Variants in INHBC observed in about 807,000 individuals in gnomAD.
The protein encoded by INHBC is inhibin subunit beta C.
INHBC carries 10 observed loss-of-function variants against 12.4 expected under a neutral mutation model. The ratio of observed to expected loss-of-function variants is 0.81; its 90% CI spans 0.50 to 1.37. The LOEUF is 1.37. INHBC is among the 40% of genes most tolerant of loss of function. INHBC has a pLI of 0.00. For synonymous variants in INHBC, 147 were observed against 171.6 expected (o/e 0.86, Z 1.12); for missense variants, 382 against 439.4 (o/e 0.87, Z 1.17).
chr12:57,435,924 G>C (rs2139829070), intron 1 of INHBC, among the ~76,000 whole-genome samples: 1 of 150,960 alleles, frequency 6.6e-6, no homozygotes, highest in South Asian at 2.1e-4. Context: ...TCGGCTCACT[G>C]CAACCTCCAC....
At chr12:57,444,017 G>T (rs1164064386) in intron 1 of INHBC, among the ~76,000 whole-genome samples, 1 of 151,916 alleles carries the variant, frequency 6.6e-6, no homozygotes, top group African/African-American at 2.4e-5. Flanking sequence ...TCGAATTCAT[G>T]ACCTCATGAC....
chr12:57,447,922 T>TATATATATATATGTAA (rs1324931217), intron 1 of INHBC, among the ~76,000 whole-genome samples: 2 of 75,648 alleles, frequency 2.6e-5, no homozygotes, highest in African/African-American at 1.1e-4. Flanking sequence ...TATATATATA[T>TATATATATATATGTAA]AAAATATATG....
rs760546716 is a variant in INHBC, at chr12:57,449,438, A to G, written c.475A>G (p.Asn159Asp). The G allele has an allele frequency of 1.4e-5, 22 of 1,613,978 alleles. No homozygotes were observed. Among genetic ancestry groups the G allele is most frequent in the Non-Finnish European group, 1.8e-5 (21 of 1,180,028 alleles). Reference sequence around the variant, plus strand: ...GAGAGTCCTTGTGCTGGGTCCACATAATACCAACCTCACCTTGGCTACTCA... The same window carrying G: ...GAGAGTCCTTGTGCTGGGTCCACATGATACCAACCTCACCTTGGCTACTCA... Reference protein sequence around the residue: ...KVRVLVLGPHNTNLTLATQYL... With the variant: ...KVRVLVLGPHDTNLTLATQYL... The change falls in exon 2 of 2, where the codon AAT (asparagine) becomes GAT (aspartate). Residue 159 changes from asparagine to aspartate, a missense_variant. Coordinates refer to ENST00000309668, the MANE Select transcript of INHBC (RefSeq NM_005538.4).
chr12:57,448,158 A>C (rs1473473688), intron 1 of INHBC, among the ~76,000 whole-genome samples: 2 of 151,760 alleles, frequency 1.3e-5, no homozygotes, highest in Non-Finnish European at 2.9e-5. Context: ...TCATGTGACA[A>C]AAGTAAGTAG....
In INHBC at chr12:57,451,292, G is replaced by C. The variant is rs1870707274; in HGVS notation, c.*1270G>C. Among the ~76,000 whole-genome samples the C allele has an allele frequency of 6.6e-6, 1 of 152,204 alleles. No homozygotes were observed. Among genetic ancestry groups the C allele is most frequent in the Non-Finnish European group, 1.5e-5 (1 of 68,038 alleles). On this transcript the variant is annotated 3_prime_UTR_variant, in exon 2 of 2. Transcript: ENST00000309668. ...ACTGACCAGCTGTGGGCACGCAAGT[G>C]TGGGAGGCAGAGGCATGCTCAGAGC...
At chr12:57,443,363 C>T (rs1486036380) in intron 1 of INHBC, among the ~76,000 whole-genome samples, 1 of 151,992 alleles carries the variant, frequency 6.6e-6, no homozygotes, top group Non-Finnish European at 1.5e-5. Context: ...CAGCTCACCG[C>T]AACCTCCGAC....
chr12:57,450,266 C>CTAGCCCATCCT lies in INHBC; in HGVS notation c.*244_*245insTAGCCCATCCT. 5.3e-6 allele frequency: 2 copies of CTAGCCCATCCT among 377,614 alleles called. No homozygotes were observed. Among genetic ancestry groups the CTAGCCCATCCT allele is most frequent in the Admixed American group, 8.7e-5 (2 of 22,876 alleles). 23.4% of individuals were successfully genotyped at this position (377,614 alleles called of 1,614,324 possible). ...CATAGTCCATCCCGCTAGTCCATCC[C>CTAGCCCATCCT]GCTAGCCCCACTCCAGGGACTCAGA... is the stretch of plus-strand genomic sequence containing the variant. On this transcript the variant is annotated 3_prime_UTR_variant, in exon 2 of 2. Transcript: ENST00000309668.
rs1471509513 is a variant in INHBC, at chr12:57,451,747, A to G, written c.*1725A>G. On this transcript the variant is annotated 3_prime_UTR_variant, in exon 2 of 2. Transcript: ENST00000309668. The stretch of plus-strand genomic sequence containing the variant: ...AGCTTGAGGGCTTCCTGAGCAACCC[A>G]TGGAAGTTATCCCACCTTTGACTTG... 2.3e-6 allele frequency: 1 copy of G among 429,352 alleles called. No homozygotes were observed. The highest frequency in any genetic ancestry group is 4.7e-6 in the Non-Finnish European group (1 of 213,960). 26.6% of individuals were successfully genotyped at this position (429,352 alleles called of 1,614,324 possible). A position where few individuals can be genotyped will look rare whatever the true frequency, so the allele number is the denominator to read the frequency against.
chr12:57,451,717 A>G lies in INHBC; in HGVS notation c.*1695A>G. 2.6e-6 allele frequency: 1 copy of G among 384,946 alleles called. No individual in the cohort carries two copies. Among genetic ancestry groups the G allele is most frequent in the Admixed American group, 3.2e-5 (1 of 30,822 alleles). 23.8% of individuals were successfully genotyped at this position (384,946 alleles called of 1,614,324 possible). On this transcript the variant is annotated 3_prime_UTR_variant, in exon 2 of 2. Transcript: ENST00000309668. Reference sequence around the variant, plus strand: ...AAAAGGACTGCCTGGGGGACTGTAAATCTGAGCTTGAGGGCTTCCTGAGCA... The same window carrying G: ...AAAAGGACTGCCTGGGGGACTGTAAGTCTGAGCTTGAGGGCTTCCTGAGCA...
At chr12:57,437,569 G>C (rs1321589960) in intron 1 of INHBC, among the ~76,000 whole-genome samples, 2 of 151,000 alleles carry the variant, frequency 1.3e-5, no homozygotes, top group East Asian at 4.0e-4. Flanking sequence ...TACTCTGGAG[G>C]CTGAGGCAGG....
At position 57,450,235 on chromosome 12, in the gene INHBC, C is replaced by T. The variant is rs1463229393; in HGVS notation, c.*213C>T. ...ATCTTCCTGACCACTACCCTCTTTC[C>T]TAGGGCATAGTCCATCCCGCTAGTC... On this transcript the variant is annotated 3_prime_UTR_variant, in exon 2 of 2. Transcript: ENST00000309668. 1 of 472,812 alleles carries T rather than the reference C, an allele frequency of 2.1e-6. No homozygotes were observed. Among genetic ancestry groups the T allele is most frequent in the African/African-American group, 2.0e-5 (1 of 50,554 alleles). The allele number at this position is 472,812 out of a possible 1,614,324, so 29.3% of individuals were successfully genotyped here.
At chr12:57,439,565 T>A (rs1870414158) in intron 1 of INHBC, among the ~76,000 whole-genome samples, 1 of 152,242 alleles carries the variant, frequency 6.6e-6, no homozygotes, top group Non-Finnish European at 1.5e-5. Flanking sequence ...TTTTGAATTG[T>A]CCCTTTTAGT....
chr12:57,451,190 T>C lies in INHBC; in HGVS notation c.*1168T>C, dbSNP rs1870705213. Reference sequence around the variant, plus strand: ...ACCATCTTTGAGGTCTCATGGCTAATAAAAACCTAGGCTTTACCTGTTCCC... The same window carrying C: ...ACCATCTTTGAGGTCTCATGGCTAACAAAAACCTAGGCTTTACCTGTTCCC... On this transcript the variant is annotated 3_prime_UTR_variant, in exon 2 of 2. Coordinates refer to ENST00000309668, the MANE Select transcript of INHBC (RefSeq NM_005538.4). 6.6e-6 allele frequency among the ~76,000 whole-genome samples: 1 copy of C among 152,228 alleles called. No individual in the cohort carries two copies. The highest frequency in any genetic ancestry group is 2.1e-4 in the South Asian group (1 of 4,828).
chr12:57,440,116 T>A (rs536444898), intron 1 of INHBC, among the ~76,000 whole-genome samples: 6 of 152,302 alleles, frequency 3.9e-5, no homozygotes, highest in African/African-American at 1.4e-4. Flanking sequence ...GGTAATTTCT[T>A]ACTTTAAGAA....
At chr12:57,449,227 A>G (rs1870651107) in intron 1 of INHBC, 50 bp from the exon 2 acceptor site, 1 of 1,560,928 alleles carries the variant, frequency 6.4e-7, no homozygotes, top group Non-Finnish European at 8.7e-7. Flanking sequence ...AATAGTTGGT[A>G]GAACTGACAG....
chr12:57,440,332 C>CTT (rs34888207), intron 1 of INHBC, among the ~76,000 whole-genome samples: 23,950 of 117,282 alleles, frequency 0.2, 3,209 homozygotes, highest in South Asian at 0.39. Context: ...TGAACAGTGC[C>CTT]TTTTTTTTTT....
intron 1 of INHBC, among the ~76,000 whole-genome samples, chr12:57,435,956 C>T (rs1256927888): frequency 2.0e-5 from 3 of 151,370 alleles, no homozygotes; most frequent in South Asian, 4.2e-4. Context: ...AAGGAATTCT[C>T]CTGCCCCAGC....
Position 57,435,185 on chromosome 12 carries a change from G to A in INHBC, c.299G>A (p.Ser100Asn). The A allele has an allele frequency of 6.2e-7, 1 of 1,610,634 alleles. No individual in the cohort carries two copies. Among genetic ancestry groups the A allele is most frequent in the Non-Finnish European group, 8.5e-7 (1 of 1,177,350 alleles). ...DNREQECEII[S>N]FAETGLSTIN... ...AGGGAACAGGAATGTGAAATCATCAGCTTTGCTGAGACAGGTGGGTTCCTG... is the reference window on the plus strand; with the variant it reads ...AGGGAACAGGAATGTGAAATCATCAACTTTGCTGAGACAGGTGGGTTCCTG... The change falls in exon 1 of 2, where the codon AGC (serine) becomes AAC (asparagine). Residue 100 changes from serine to asparagine, a missense_variant. Physicochemically the swap from Ser to Asn is conservative, Grantham distance 46. Transcript: ENST00000309668.
chr12:57,447,892 A>AAAATATATATATATAT (rs1555325179), intron 1 of INHBC, among the ~76,000 whole-genome samples: 1 of 19,876 alleles, frequency 5.0e-5, no homozygotes, highest in East Asian at 1.4e-3. Flanking sequence ...AAAAAAAAAA[A>AAAATATATATATATAT]ATATATATAT....
Sources: allele counts gnomAD v4.1 joint callset (sites outside exome capture counted in the v4.1 genomes callset), GRCh38; gene constraint gnomAD v4.1.1; transcripts MANE v1.5; gene names NCBI Gene and HGNC (gene_info 2026-07-23, HGNC 2026-07-21).